Variants in PTPRT observed in about 807,000 individuals in gnomAD.
PTPRT encodes protein tyrosine phosphatase receptor type T.
A neutral mutation model predicts 176.8 loss-of-function variants in PTPRT; 56 were observed. The observed-to-expected ratio is 0.32, with a 90% CI of 0.26 to 0.40. The LOEUF (loss-of-function observed/expected upper bound fraction) is 0.40. Among genes scored for constraint, PTPRT ranks in the 10% least tolerant of loss-of-function variants. The pLI, the probability that PTPRT is intolerant of heterozygous loss-of-function variation, is 1.00. For synonymous variants in PTPRT, 783 were observed against 739.0 expected (o/e 1.06, Z -0.96); for missense variants, 1,540 against 1,908.2 (o/e 0.81, Z 3.60).
At chr20:42,148,543 G>A (rs6030000) in intron 17 of PTPRT, among the ~76,000 whole-genome samples, 20,310 of 151,996 alleles carry the variant, frequency 0.13, 3,492 homozygotes, top group African/African-American at 0.4. Context: ...ACAGGGACCC[G>A]GGCAAGGGAC....
rs1600776953 is a variant in PTPRT at position 42,282,635 on chromosome 20, T to G, written c.2140-110A>C. The G allele has an allele frequency of 4.9e-6, 4 of 815,292 alleles. No individual in the cohort carries two copies. In the East Asian group the frequency reaches 1.2e-4, roughly 24 times the overall value. The allele number at this position is 815,292 out of a possible 1,614,324, so 50.5% of individuals were successfully genotyped here. A position where few individuals can be genotyped will look rare whatever the true frequency, so the allele number is the denominator to read the frequency against. Reference sequence around the variant, plus strand: ...TGCATATATATTCATGCATATGTATTTTTAATTATAATTTTAAATTTGCCC... The same window carrying G: ...TGCATATATATTCATGCATATGTATGTTTAATTATAATTTTAAATTTGCCC... On this transcript the variant is annotated intron_variant, in intron 12 of 30. Coordinates refer to ENST00000373187, the MANE Select transcript of PTPRT (RefSeq NM_007050.6).
chr20:42,686,561 G>A (rs990624041), intron 6 of PTPRT, among the ~76,000 whole-genome samples: 4 of 131,658 alleles, frequency 3.0e-5, no homozygotes, highest in East Asian at 2.5e-4. Flanking sequence ...TCAGCTCACC[G>A]CAGCCTCCGC....
rs572429505 is a variant in PTPRT, at chr20:42,774,712, G to A, written c.569-3162C>T. 7.9e-5 allele frequency among the ~76,000 whole-genome samples: 12 copies of A among 152,258 alleles called. No individual in the cohort carries two copies. In the South Asian group the frequency reaches 1.0e-3, roughly 13 times the overall value. ...GCCCCCACCACTCCATGCGGTACGC[G>A]GTGGGCATCACATGAAGGCCAACCC... On this transcript the variant is annotated intron_variant, in intron 4 of 30. Transcript: ENST00000373187.
intron 7 of PTPRT, among the ~76,000 whole-genome samples, chr20:42,519,404 C>T (rs536851682): frequency 1.3e-5 from 2 of 152,128 alleles, no homozygotes; most frequent in South Asian, 2.1e-4. Flanking sequence ...GAGGTTGTTA[C>T]GTATGAAGGT....
rs116217117 is a variant in PTPRT, at chr20:42,543,860, A to T, written c.1154-71298T>A. ...TTAGAGCTCTTGAATTACCATGTAC[A>T]TTGTCCATGGGCAGTAATATTTAGA... On this transcript the variant is annotated intron_variant, in intron 7 of 30. Coordinates refer to ENST00000373187, the MANE Select transcript of PTPRT (RefSeq NM_007050.6). 7.4e-3 allele frequency among the ~76,000 whole-genome samples: 1,126 copies of T among 152,228 alleles called. 20 individuals are homozygous for T. The highest frequency in any genetic ancestry group is 0.026 in the African/African-American group (1,086 of 41,532).
At position 42,078,845 on chromosome 20, in the gene PTPRT, TC is replaced by T. The variant is rs1366287976; in HGVS notation, c.*2033del. 5.7e-6 allele frequency: 1 copy of T among 174,258 alleles called. No homozygotes were observed. The highest frequency in any genetic ancestry group is 6.3e-5 in the Admixed American group (1 of 15,764). 10.8% of individuals were successfully genotyped at this position (174,258 alleles called of 1,614,324 possible). ...TGTTAAGACCCAGCAGGAATGGACG[TC>T]CCCTTCTCCAGGAAGCCCGAGGCCG... is the stretch of plus-strand genomic sequence containing the variant. On this transcript the variant is annotated 3_prime_UTR_variant, in exon 31 of 31. Coordinates refer to ENST00000373187, the MANE Select transcript of PTPRT (RefSeq NM_007050.6).
At chr20:42,933,414 C>T (rs1463155848) in intron 1 of PTPRT, among the ~76,000 whole-genome samples, 2 of 152,104 alleles carry the variant, frequency 1.3e-5, no homozygotes, top group Non-Finnish European at 2.9e-5. Flanking sequence ...GTTTGTGGGC[C>T]ACCTCACTCT....
rs559891329 is a variant in PTPRT, at chr20:42,108,637, A to G, written c.3254+1696T>C. ...CTAAGATGCAGTAGATGCTGGTATT[A>G]GGAGTGGGAATATGAAAACAAACAA... On this transcript the variant is annotated intron_variant, in intron 23 of 30. Transcript: ENST00000373187. 2.0e-3 allele frequency among the ~76,000 whole-genome samples: 237 copies of G among 121,118 alleles called. 1 individual carries two copies. The highest frequency in any genetic ancestry group is 3.5e-3 in the Non-Finnish European group (206 of 59,026). The allele number at this position is 121,118 out of a possible 152,430, so 79.5% of individuals were successfully genotyped here.
intron 17 of PTPRT, among the ~76,000 whole-genome samples, chr20:42,160,591 C>G (rs1301374128): frequency 1.3e-5 from 2 of 152,156 alleles, no homozygotes; most frequent in East Asian, 3.8e-4. Context: ...AGATAGAGAC[C>G]TGTCAGGAGA....
chr20:42,851,895 G>C (rs1041590912), intron 2 of PTPRT, among the ~76,000 whole-genome samples: 16 of 152,132 alleles, frequency 1.1e-4, no homozygotes, highest in African/African-American at 3.9e-4. Flanking sequence ...CCTCTAAAAA[G>C]CTGATTTTCC....
chr20:42,220,205 A>C (rs1267785413), intron 15 of PTPRT, among the ~76,000 whole-genome samples: 2 of 152,190 alleles, frequency 1.3e-5, no homozygotes, highest in African/African-American at 4.8e-5. Flanking sequence ...TACATGACAA[A>C]AACTATAAAA....
chr20:42,576,732 G>A (rs149649239), intron 7 of PTPRT, among the ~76,000 whole-genome samples: 3,611 of 152,222 alleles, frequency 0.024, 61 homozygotes, highest in Middle Eastern at 0.041. Context: ...GAACTAATAC[G>A]TTTACACATT....
intron 2 of PTPRT, among the ~76,000 whole-genome samples, chr20:42,802,434 A>G (rs2077544703): frequency 6.6e-6 from 1 of 152,224 alleles, no homozygotes; most frequent in Non-Finnish European, 1.5e-5. Context: ...CAACAGCCTG[A>G]GCCATTTTCT....
chr20:43,045,056 C>T (rs1055222285), intron 1 of PTPRT, among the ~76,000 whole-genome samples: 2 of 152,184 alleles, frequency 1.3e-5, no homozygotes, highest in African/African-American at 4.8e-5. Context: ...CTCAGGAAAA[C>T]ATTTCTGGGC....
At chr20:42,594,608 C>T (rs1380593510) in intron 7 of PTPRT, among the ~76,000 whole-genome samples, 1 of 152,118 alleles carries the variant, frequency 6.6e-6, no homozygotes, top group African/African-American at 2.4e-5. Flanking sequence ...GAGATGTGCA[C>T]AGTATTTAAT....
intron 3 of PTPRT, among the ~76,000 whole-genome samples, chr20:42,789,193 G>A (rs1174947155): frequency 1.3e-5 from 2 of 152,122 alleles, no homozygotes; most frequent in East Asian, 1.9e-4. Context: ...AGATTGACAG[G>A]GAGAGAACAG....
intron 7 of PTPRT, among the ~76,000 whole-genome samples, chr20:42,512,990 G>C (rs1164477456): frequency 6.6e-6 from 1 of 152,026 alleles, no homozygotes; most frequent in African/African-American, 2.4e-5. Context: ...CTTTTGAGTA[G>C]CTGAGATTAC....
chr20:43,166,016 G>A (rs538406515), intron 1 of PTPRT, among the ~76,000 whole-genome samples: 32 of 149,042 alleles, frequency 2.1e-4, no homozygotes, highest in African/African-American at 7.2e-4. Context: ...ATGGAGAAAC[G>A]TCATCTCTAC....
chr20:42,519,514 A>C (rs1167876990), intron 7 of PTPRT, among the ~76,000 whole-genome samples: 1 of 152,128 alleles, frequency 6.6e-6, no homozygotes. Context: ...ATTTATTATG[A>C]TGTCTTTGTT....
Sources: gnomAD v4.1 joint callset for allele counts (sites outside exome capture counted in the v4.1 genomes callset) on GRCh38, gnomAD v4.1.1 for gene constraint, MANE v1.5 for transcripts, NCBI Gene and HGNC (gene_info 2026-07-23, HGNC 2026-07-21) for gene names.